The following AJAP1 variants were observed in gnomAD, a reference collection of about 807,000 sequenced individuals.
AJAP1 encodes adherens junctions associated protein 1.
A neutral mutation model predicts 35.0 loss-of-function variants in AJAP1; 5 were observed. The ratio of observed to expected loss-of-function variants is 0.14; its 90% confidence interval spans 0.07 to 0.30. The LOEUF (loss-of-function observed/expected upper bound fraction) is 0.30. Among genes scored for constraint, AJAP1 ranks in the 10% least tolerant of loss-of-function variants. AJAP1 has a pLI of 1.00. For missense variants in AJAP1, 586 were observed against 571.0 expected (o/e 1.03, Z -0.27); for synonymous variants, 284 against 249.3 (o/e 1.14, Z -1.31).
intron 2 of AJAP1, among the ~76,000 whole-genome samples, chr1:4,763,358 G>C (rs1006579663): frequency 6.6e-6 from 1 of 152,188 alleles, no homozygotes; most frequent in Non-Finnish European, 1.5e-5. Context: ...TCCTTAGGGG[G>C]AGTTCTGTTT....
At chr1:4,770,816 G>C (rs1421223430) in intron 3 of AJAP1, among the ~76,000 whole-genome samples, 1 of 152,176 alleles carries the variant, frequency 6.6e-6, no homozygotes, top group Admixed American at 6.5e-5. Flanking sequence ...CAGGCTGCAG[G>C]AGGGTGGGGG....
At chr1:4,705,957 A>G (rs76134041) in intron 1 of AJAP1, among the ~76,000 whole-genome samples, 3,208 of 152,268 alleles carry the variant, frequency 0.021, 92 homozygotes, top group South Asian at 0.12. Context: ...GACCTACGGT[A>G]TCCCTTGAGG....
At chr1:4,679,265 C>T (rs1247626583) in intron 1 of AJAP1, among the ~76,000 whole-genome samples, 1 of 152,154 alleles carries the variant, frequency 6.6e-6, no homozygotes, top group Non-Finnish European at 1.5e-5. Flanking sequence ...TGGATTCTCT[C>T]CTGCTTGTCT....
intron 2 of AJAP1, among the ~76,000 whole-genome samples, chr1:4,737,180 C>T (rs2100308597): frequency 6.6e-6 from 1 of 152,202 alleles, no homozygotes; most frequent in Admixed American, 6.5e-5. Flanking sequence ...TGTGGATGGG[C>T]ACCCCTGGGA....
At chr1:4,710,500 C>T (rs1318650550) in intron 1 of AJAP1, among the ~76,000 whole-genome samples, 1 of 152,164 alleles carries the variant, frequency 6.6e-6, no homozygotes, top group Non-Finnish European at 1.5e-5. Flanking sequence ...CGCACACACT[C>T]ACACACTTGC....
At position 4,720,227 on chromosome 1, in the gene AJAP1, A is replaced by G. The variant is rs369447813; in HGVS notation, c.829+7528A>G. Among the ~76,000 whole-genome samples, 84 of 152,346 alleles carry G rather than the reference A, an allele frequency of 5.5e-4. No individual in the cohort carries two copies. The highest frequency in any genetic ancestry group is 1.8e-3 in the Admixed American group (27 of 15,306). ...CCATGTGCCACGTGGTTAGACATGAAGACAGGCTTCGGGTCCCCGCTTTCG... is the reference window on the plus strand; with the variant it reads ...CCATGTGCCACGTGGTTAGACATGAGGACAGGCTTCGGGTCCCCGCTTTCG... On this transcript the variant is annotated intron_variant, in intron 2 of 5. Coordinates refer to ENST00000378191, the MANE Select transcript of AJAP1 (RefSeq NM_018836.4). The surrounding 1 kb of genome is among the most constrained non-coding windows in gnomAD (Gnocchi z 4.4).
chr1:4,712,885 G>A (rs1022218869), intron 2 of AJAP1, among the ~76,000 whole-genome samples, 186 bp downstream of exon 2: 1 of 152,194 alleles, frequency 6.6e-6, no homozygotes, highest in African/African-American at 2.4e-5. Context: ...CTTAGAGGAA[G>A]GGGGCGTGAG....
intron 2 of AJAP1, among the ~76,000 whole-genome samples, chr1:4,749,435 C>G (rs545265327): frequency 6.6e-6 from 1 of 152,182 alleles, no homozygotes; most frequent in Non-Finnish European, 1.5e-5. Flanking sequence ...AGACACGAGA[C>G]GCTATGGCCC....
intron 1 of AJAP1, among the ~76,000 whole-genome samples, chr1:4,671,135 G>A (rs979897913): frequency 1.3e-5 from 2 of 152,186 alleles, no homozygotes; most frequent in Non-Finnish European, 2.9e-5. Context: ...TTGGGAGGCC[G>A]AGGTGGGAAG....
Position 4,712,222 on chromosome 1 carries a change from G to C in AJAP1, c.352G>C (p.Ala118Pro). 6.5e-7 allele frequency: 1 copy of C among 1,545,322 alleles called. No individual in the cohort carries two copies. The highest frequency in any genetic ancestry group is 8.7e-7 in the Non-Finnish European group (1 of 1,154,306). ...AAALVPKAGL[A>P]KPPAAAKSSP... ...CGCCCTCGTGCCCAAGGCAGGACTGGCCAAGCCCCCAGCTGCTGCCAAATC... is the reference window on the plus strand; with the variant it reads ...CGCCCTCGTGCCCAAGGCAGGACTGCCCAAGCCCCCAGCTGCTGCCAAATC... The change falls in exon 2 of 6, where the codon GCC becomes CCC. Residue 118 changes from alanine to proline, a missense_variant. Transcript: ENST00000378191.
intron 1 of AJAP1, among the ~76,000 whole-genome samples, chr1:4,658,231 C>T (rs1034041185): frequency 1.3e-5 from 2 of 152,180 alleles, no homozygotes; most frequent in Admixed American, 1.3e-4. Flanking sequence ...CATTCCCAGC[C>T]CATGTCCCTG....
In AJAP1 at chr1:4,715,625, C is replaced by T. The variant is rs753559288; in HGVS notation, c.829+2926C>T. Among the ~76,000 whole-genome samples the T allele has an allele frequency of 5.4e-4, 82 of 152,108 alleles. 1 individual carries two copies. Among genetic ancestry groups the T allele is most frequent in the Non-Finnish European group, 3.1e-4 (21 of 68,002 alleles). ...ACTTGAACCTGGGAGGTGGAGGTTG[C>T]GGTGAGCCAAGATCCTGCCATTGCA... On this transcript the variant is annotated intron_variant, in intron 2 of 5. Transcript: ENST00000378191.
At chr1:4,724,979 G>A (rs187788616) in intron 2 of AJAP1, among the ~76,000 whole-genome samples, 5 of 152,308 alleles carry the variant, frequency 3.3e-5, no homozygotes, top group African/African-American at 1.2e-4. Context: ...TGCATATGCT[G>A]GCTTGGCCCA....
intron 1 of AJAP1, among the ~76,000 whole-genome samples, chr1:4,708,956 G>A (rs961928608): frequency 1.3e-5 from 2 of 152,106 alleles, no homozygotes; most frequent in African/African-American, 4.8e-5. Context: ...AAAACAAATC[G>A]ACCTCTCCCT....
chr1:4,790,572 T>C lies in AJAP1; in HGVS notation c.*8087T>C, dbSNP rs1260253127. On this transcript the variant is annotated 3_prime_UTR_variant, in exon 6 of 6. Transcript: ENST00000378191. Reference sequence around the variant, plus strand: ...CCCTCCTTGAATTTAACTGCCACAATCTATCCGCAGATGTGTTTTGTTCTA... The same window carrying C: ...CCCTCCTTGAATTTAACTGCCACAACCTATCCGCAGATGTGTTTTGTTCTA... The C allele has an allele frequency of 6.6e-6, 1 of 152,222 alleles. No homozygotes were observed. Among genetic ancestry groups the C allele is most frequent in the Admixed American group, 6.5e-5 (1 of 15,276 alleles). 9.4% of individuals were successfully genotyped at this position (152,222 alleles called of 1,614,324 possible). A position where few individuals can be genotyped will look rare whatever the true frequency, so the allele number is the denominator to read the frequency against.
intron 2 of AJAP1, among the ~76,000 whole-genome samples, chr1:4,724,477 C>T (rs993508122): frequency 6.6e-6 from 1 of 152,172 alleles, no homozygotes; most frequent in African/African-American, 2.4e-5. Flanking sequence ...TTGTCTCCAT[C>T]GACTGGCATT....
Position 4,711,890 on chromosome 1 carries a change from C to CT in AJAP1, c.30-10_30-9insT, listed in dbSNP as rs1640249531. 2.0e-6 allele frequency: 3 copies of CT among 1,473,604 alleles called. No homozygotes were observed. The highest frequency in any genetic ancestry group is 1.8e-6 in the Non-Finnish European group (2 of 1,114,726). 91.3% of individuals were successfully genotyped at this position (1,473,604 alleles called of 1,614,324 possible). ...ACTGACCGCTCTTCTCTCCTTTCCC[C>CT]CCCGCACAGCTCCATGTCCATCCGC... On this transcript the variant is annotated splice_polypyrimidine_tract_variant and intron_variant, in intron 1 of 5. Transcript: ENST00000378191.
In AJAP1 at chr1:4,692,148, C is replaced by T. The variant is rs530196921; in HGVS notation, c.30-19752C>T. On this transcript the variant is annotated intron_variant, in intron 1 of 5. Transcript: ENST00000378191. The surrounding 1 kb of genome is among the most constrained non-coding windows in gnomAD (Gnocchi z 4.4). The stretch of plus-strand genomic sequence containing the variant: ...TATCTCTGCATCGTTGCCGCCTTCT[C>T]GAGGGTTAGGAGTCAGCCCCGCTTA... Among the ~76,000 whole-genome samples, 160 of 152,256 alleles carry T rather than the reference C, an allele frequency of 1.1e-3. 1 individual carries two copies. Among genetic ancestry groups the T allele is most frequent in the Non-Finnish European group, 1.7e-3 (113 of 68,002 alleles).
At chr1:4,728,853 C>T in intron 2 of AJAP1, among the ~76,000 whole-genome samples, 1 of 152,234 alleles carries the variant, frequency 6.6e-6, no homozygotes, top group Middle Eastern at 3.4e-3. Context: ...TGCCGATGGG[C>T]TCTCTGTCAT....
Sources: allele counts gnomAD v4.1 joint callset (sites outside exome capture counted in the v4.1 genomes callset), GRCh38; gene constraint gnomAD v4.1.1; non-coding constraint Gnocchi (gnomAD v3.1); transcripts MANE v1.5; gene names NCBI Gene and HGNC (gene_info 2026-07-23, HGNC 2026-07-21).